SGCZ: variants seen among roughly 807,000 people sequenced by gnomAD.
SGCZ encodes the protein sarcoglycan zeta.
SGCZ carries 40 observed loss-of-function variants against 41.3 expected under a neutral mutation model. The observed-to-expected ratio is 0.97, with a 90% confidence interval of 0.75 to 1.26. SGCZ has a LOEUF of 1.26. SGCZ is among the 50% of genes most tolerant of loss of function. The probability of loss-of-function intolerance (pLI) is 0.00; values close to 1 mark genes in which losing one functional copy is unlikely to be tolerated. For missense variants in SGCZ, 552 were observed against 369.8 expected (o/e 1.49, Z -4.04); for synonymous variants, 206 against 137.5 (o/e 1.50, Z -3.49).
intron 4 of SGCZ, among the ~76,000 whole-genome samples, chr8:14,167,623 T>A (rs1804248455): frequency 6.6e-6 from 1 of 152,084 alleles, no homozygotes; most frequent in South Asian, 2.1e-4. Context: ...AGCAAAATAA[T>A]AGGTTCCATA....
chr8:14,337,862 T>A lies in SGCZ; in HGVS notation c.235-13658A>T, dbSNP rs569725513. ...TTTTAGCAATGGAGATGGCAGAGCA[T>A]TGACACAACAGATATAAATAGCCAG... is the stretch of plus-strand genomic sequence containing the variant. On this transcript the variant is annotated intron_variant, in intron 2 of 7. Transcript: ENST00000382080. Among the ~76,000 whole-genome samples the A allele has an allele frequency of 2.6e-5, 4 of 152,240 alleles. No individual in the cohort carries two copies. In the South Asian group the frequency reaches 6.2e-4, roughly 24 times the overall value.
intron 1 of SGCZ, among the ~76,000 whole-genome samples, chr8:14,944,251 C>T (rs536751471): frequency 6.6e-6 from 1 of 151,964 alleles, no homozygotes; most frequent in Non-Finnish European, 1.5e-5. Flanking sequence ...ACATTTTAGT[C>T]CTCAGTTTTA....
At chr8:14,144,071 C>T (rs1447367612) in intron 5 of SGCZ, among the ~76,000 whole-genome samples, 1 of 152,152 alleles carries the variant, frequency 6.6e-6, no homozygotes, top group Non-Finnish European at 1.5e-5. Flanking sequence ...GACTTGCCAA[C>T]TCTTGGCAAG....
chr8:14,587,192 T>C (rs7013654), intron 1 of SGCZ, among the ~76,000 whole-genome samples: 2 of 151,770 alleles, frequency 1.3e-5, no homozygotes, highest in African/African-American at 2.4e-5. Context: ...AATGAGAGGG[T>C]TTTACACAAT....
At chr8:14,402,878 G>A (rs1048728642) in intron 2 of SGCZ, among the ~76,000 whole-genome samples, 9 of 149,860 alleles carry the variant, frequency 6.0e-5, no homozygotes, top group Admixed American at 2.0e-4. Flanking sequence ...ATCACCTTGG[G>A]CAGTATGGCC....
intron 1 of SGCZ, among the ~76,000 whole-genome samples, chr8:14,722,156 C>A (rs2130188414): frequency 6.6e-6 from 1 of 152,244 alleles, no homozygotes; most frequent in South Asian, 2.1e-4. Context: ...GTATAAAATG[C>A]ATTTCATTTT....
At chr8:14,786,697 G>C (rs1192297723) in intron 1 of SGCZ, among the ~76,000 whole-genome samples, 2 of 151,960 alleles carry the variant, frequency 1.3e-5, no homozygotes, top group Non-Finnish European at 2.9e-5. Flanking sequence ...TTTAATTGGA[G>C]TTTATTTTTA....
intron 2 of SGCZ, among the ~76,000 whole-genome samples, chr8:14,455,785 C>A (rs1300016950): frequency 1.3e-5 from 2 of 152,126 alleles, no homozygotes; most frequent in African/African-American, 2.4e-5. Context: ...AGAATGAGGA[C>A]AGGCTCTATG....
intron 2 of SGCZ, among the ~76,000 whole-genome samples, chr8:14,537,299 G>A (rs181901851): frequency 2.6e-5 from 4 of 151,802 alleles, no homozygotes; most frequent in East Asian, 1.9e-4. Flanking sequence ...GTGGGGGGTC[G>A]TCTAGTGCAG....
intron 1 of SGCZ, among the ~76,000 whole-genome samples, chr8:14,631,857 T>A (rs1806666082): frequency 6.7e-6 from 1 of 149,482 alleles, no homozygotes; most frequent in African/African-American, 2.6e-5. Flanking sequence ...AAGAAACAAC[T>A]TCTTAGTCTC....
intron 1 of SGCZ, among the ~76,000 whole-genome samples, chr8:14,636,975 T>C (rs950134237): frequency 6.6e-6 from 1 of 151,956 alleles, no homozygotes; most frequent in Non-Finnish European, 1.5e-5. Flanking sequence ...ATTCCATTTT[T>C]CTGTTTTCCA....
intron 1 of SGCZ, among the ~76,000 whole-genome samples, chr8:15,047,456 T>C (rs1804352782): frequency 6.6e-6 from 1 of 152,046 alleles, no homozygotes; most frequent in Non-Finnish European, 1.5e-5. Context: ...TGTCCAAAGA[T>C]GATTTTTGGC....
chr8:14,951,160 T>C (rs1461035666), intron 1 of SGCZ, among the ~76,000 whole-genome samples: 1 of 150,064 alleles, frequency 6.7e-6, no homozygotes, highest in African/African-American at 2.5e-5. Flanking sequence ...ATCACAGAAT[T>C]TGAACTAAAT....
At chr8:14,752,872 C>G (rs768762878) in intron 1 of SGCZ, among the ~76,000 whole-genome samples, 1 of 152,152 alleles carries the variant, frequency 6.6e-6, no homozygotes, top group Non-Finnish European at 1.5e-5. Context: ...CACACAGAAT[C>G]ATCAAAGCAC....
intron 2 of SGCZ, among the ~76,000 whole-genome samples, chr8:14,451,303 G>C (rs139684722): frequency 1.3e-5 from 2 of 152,054 alleles, no homozygotes; most frequent in African/African-American, 4.8e-5. Flanking sequence ...TATCATGAAG[G>C]TTCAGTGATC....
intron 2 of SGCZ, among the ~76,000 whole-genome samples, chr8:14,474,935 T>C (rs1056112172): frequency 6.6e-6 from 1 of 152,204 alleles, no homozygotes; most frequent in African/African-American, 2.4e-5. Context: ...TCTTTGGATG[T>C]CTTTATAGTT....
intron 1 of SGCZ, among the ~76,000 whole-genome samples, chr8:15,090,292 C>T (rs192139190): frequency 6.6e-6 from 1 of 152,182 alleles, no homozygotes; most frequent in Non-Finnish European, 1.5e-5. Flanking sequence ...TTTGGCCAAA[C>T]CATACTGCTT....
intron 1 of SGCZ, among the ~76,000 whole-genome samples, chr8:14,776,531 T>TG (rs1324352812): frequency 6.8e-6 from 1 of 147,946 alleles, no homozygotes; most frequent in Non-Finnish European, 1.5e-5. Context: ...TTTTTTTTTT[T>TG]TTTTTGAGAT....
chr8:14,901,187 G>C (rs1798954637), intron 1 of SGCZ, among the ~76,000 whole-genome samples: 1 of 152,126 alleles, frequency 6.6e-6, no homozygotes, highest in African/African-American at 2.4e-5. Context: ...TTTTAGTTGG[G>C]AGACTCTTCT....
Sources: gnomAD v4.1 joint callset for allele counts (sites outside exome capture counted in the v4.1 genomes callset) on GRCh38, gnomAD v4.1.1 for gene constraint, MANE v1.5 for transcripts, NCBI Gene and HGNC (gene_info 2026-07-23, HGNC 2026-07-21) for gene names.